Variants in NT5E observed in about 807,000 individuals in gnomAD.
NT5E encodes the protein 5'-nucleotidase.
NT5E carries 53 observed loss-of-function variants against 55.1 expected under a neutral mutation model. The observed-to-expected ratio is 0.96, with a 90% confidence interval of 0.77 to 1.21. The LOEUF (loss-of-function observed/expected upper bound fraction) is 1.21. Among genes scored for constraint, NT5E ranks in the 50% most tolerant of loss-of-function variants. The pLI is 0.00. For missense variants in NT5E, 683 were observed against 724.3 expected (o/e 0.94, Z 0.65); for synonymous variants, 270 against 278.4 (o/e 0.97, Z 0.30).
intron 8 of NT5E, among the ~76,000 whole-genome samples, chr6:85,493,288 A>C (rs1769824639): frequency 6.6e-6 from 1 of 152,168 alleles, no homozygotes; most frequent in Non-Finnish European, 1.5e-5. Context: ...AAACCACTGA[A>C]GAGAGAAGGG....
intron 1 of NT5E, among the ~76,000 whole-genome samples, chr6:85,464,080 T>TC (rs1459037094): frequency 2.0e-5 from 3 of 149,484 alleles, no homozygotes; most frequent in African/African-American, 7.4e-5. Context: ...TTTTTTTTTT[T>TC]TTTTTTTTTT....
intron 4 of NT5E, among the ~76,000 whole-genome samples, chr6:85,485,761 G>A (rs1769641243): frequency 6.6e-6 from 1 of 152,170 alleles, no homozygotes; most frequent in African/African-American, 2.4e-5. Flanking sequence ...GTTCTAATTG[G>A]GCAGAGCGGG....
rs767510564 is a variant in NT5E at position 85,450,109 on chromosome 6, C to T, written c.-31C>T. On this transcript the variant is annotated 5_prime_UTR_variant, in exon 1 of 9. Coordinates refer to ENST00000257770, the MANE Select transcript of NT5E (RefSeq NM_002526.4). The surrounding 1 kb of genome is among the most constrained non-coding windows in gnomAD (Gnocchi z 4.0). The stretch of plus-strand genomic sequence containing the variant: ...CTCGCCGGCACTCGCCCGGCTCGCC[C>T]GCTTTCGCACCCAGTTCACGCGCCA... The T allele has an allele frequency of 1.0e-5, 16 of 1,530,318 alleles. No homozygotes were observed. The highest frequency in any genetic ancestry group is 2.7e-5 in the African/African-American group (2 of 72,766). The allele number at this position is 1,530,318 out of a possible 1,614,324, so 94.8% of individuals were successfully genotyped here.
intron 2 of NT5E, among the ~76,000 whole-genome samples, chr6:85,467,603 T>G (rs146890976): frequency 2.0e-5 from 3 of 152,310 alleles, no homozygotes; most frequent in Non-Finnish European, 4.4e-5. Context: ...AATGAGAGCC[T>G]CAAAACTCAC....
At chr6:85,490,083 T>A (rs1562145931) in intron 6 of NT5E, among the ~76,000 whole-genome samples, 1 of 152,208 alleles carries the variant, frequency 6.6e-6, no homozygotes, top group Non-Finnish European at 1.5e-5. Context: ...GACACTCTTG[T>A]AGCCCTCCCT....
intron 3 of NT5E, among the ~76,000 whole-genome samples, chr6:85,480,433 G>A (rs1391804958): frequency 6.6e-6 from 1 of 152,210 alleles, no homozygotes; most frequent in Admixed American, 6.5e-5. Flanking sequence ...TTGGTACAGA[G>A]ATGACTGAAG....
chr6:85,484,841 T>C (rs1256762681), intron 3 of NT5E, among the ~76,000 whole-genome samples: 1 of 152,148 alleles, frequency 6.6e-6, no homozygotes, highest in Non-Finnish European at 1.5e-5. Flanking sequence ...TTAAAATGGA[T>C]TTCGCCCACC....
Position 85,485,466 on chromosome 6 carries a change from T to C in NT5E, c.949+34T>C, listed in dbSNP as rs1177863778. 2.5e-6 allele frequency: 4 copies of C among 1,599,372 alleles called. No individual in the cohort carries two copies. In the South Asian group the frequency reaches 3.3e-5, roughly 13 times the overall value. ...AGTTCAGGGGAATGTTCCACCAATC[T>C]AAAATTTAGATGGCTGGATATTTTG... On this transcript the variant is annotated intron_variant, in intron 4 of 8. Coordinates refer to ENST00000257770, the MANE Select transcript of NT5E (RefSeq NM_002526.4).
chr6:85,478,132 T>C (rs1769473435), intron 3 of NT5E, among the ~76,000 whole-genome samples: 1 of 152,160 alleles, frequency 6.6e-6, no homozygotes, highest in South Asian at 2.1e-4. Context: ...TTCAGTAAAC[T>C]TCTGGCCATG....
chr6:85,450,365 C>A lies in NT5E; in HGVS notation c.226C>A (p.Pro76Thr), dbSNP rs776259916. The A allele has an allele frequency of 6.3e-7, 1 of 1,596,802 alleles. No individual in the cohort carries two copies. The highest frequency in any genetic ancestry group is 2.3e-5 in the East Asian group (1 of 44,214). The stretch of plus-strand genomic sequence containing the variant: ...GGTTCAGCAGATCCGCCGCGCCGAA[C>A]CCAACGTGCTGCTGCTGGACGCCGG... The part of the protein sequence containing the change: ...TKVQQIRRAE[P>T]NVLLLDAGDQ... The change falls in exon 1 of 9, where the codon CCC becomes ACC. Residue 76 changes from proline (P) to threonine (T), a missense_variant. Physicochemically the swap from Pro to Thr is conservative, Grantham distance 38. Coordinates refer to ENST00000257770, the MANE Select transcript of NT5E (RefSeq NM_002526.4). The surrounding 1 kb of genome is among the most constrained non-coding windows in gnomAD (Gnocchi z 4.0).
Position 85,455,056 on chromosome 6 carries a change from C to T in NT5E, c.339+4578C>T, listed in dbSNP as rs112070901. ...CATGGCAGAAGAGGTTGTGTAAACT[C>T]TAAAGGCCACCTGAGAAGTTTGAGT... On this transcript the variant is annotated intron_variant, in intron 1 of 8. Coordinates refer to ENST00000257770, the MANE Select transcript of NT5E (RefSeq NM_002526.4). 2.4e-4 allele frequency among the ~76,000 whole-genome samples: 36 copies of T among 152,266 alleles called. 3 individuals carry two copies. The highest frequency in any genetic ancestry group is 7.7e-4 in the African/African-American group (32 of 41,546).
Position 85,450,170 on chromosome 6 carries a change from A to T in NT5E, c.31A>T (p.Thr11Ser). Residue 11 changes from threonine to serine, a missense_variant, in exon 1 of 9, where the codon ACG becomes TCG. Transcript: ENST00000257770. The surrounding 1 kb of genome is among the most constrained non-coding windows in gnomAD (Gnocchi z 4.0). ...TCCCCGAGCCGCGCGGGCGCCCGCG[A>T]CGCTACTCCTCGCCCTGGGCGCGGT... MCPRAARAPA[T>S]LLLALGAVLW... 1.3e-6 allele frequency: 2 copies of T among 1,573,408 alleles called. No individual in the cohort carries two copies. Among genetic ancestry groups the T allele is most frequent in the Non-Finnish European group, 1.7e-6 (2 of 1,159,938 alleles).
chr6:85,492,162 T>C lies in NT5E; in HGVS notation c.1546T>C (p.Leu516=), dbSNP rs1582389598. The C allele has an allele frequency of 1.9e-6, 3 of 1,614,020 alleles. No individual in the cohort carries two copies. Among genetic ancestry groups the C allele is most frequent in the East Asian group, 2.2e-5 (1 of 44,886 alleles). The change falls in exon 8 of 9, where the codon TTA becomes CTA. Residue 516 remains leucine (L), a synonymous_variant. Transcript: ENST00000257770. ...DGFQMIKDEL[L]RHDSGDQDIN... ...GTTCCAGATGATAAAAGATGAATTA[T>C]TAAGACATGACTCTGGTAAGCATGA...
In NT5E at chr6:85,493,906, G is replaced by C; in HGVS notation, c.1627G>C (p.Glu543Gln). The change falls in exon 9 of 9, where the codon GAA becomes CAA. Residue 543 changes from glutamate to glutamine, a missense_variant. Physicochemically the swap from Glu to Gln is conservative, Grantham distance 29. Coordinates refer to ENST00000257770, the MANE Select transcript of NT5E (RefSeq NM_002526.4). ...AATGAAAGTAATTTATCCAGCAGTT[G>C]AAGGTCGGATCAAGTTTTCCACAGG... The part of the protein sequence containing the change: ...SKMKVIYPAV[E>Q]GRIKFSTGSH... The C allele has an allele frequency of 6.2e-7, 1 of 1,614,076 alleles. No individual in the cohort carries two copies. The highest frequency in any genetic ancestry group is 8.5e-7 in the Non-Finnish European group (1 of 1,179,952).
Position 85,450,245 on chromosome 6 carries a change from G to T in NT5E, c.106G>T (p.Asp36Tyr). The part of the protein sequence containing the change: ...AWELTILHTN[D>Y]VHSRLEQTSE... ...GGAGCTTACGATTTTGCACACCAAC[G>T]ACGTGCACAGCCGGCTGGAGCAGAC... Residue 36 changes from aspartate to tyrosine, a missense_variant, in exon 1 of 9, where the codon GAC becomes TAC. By Grantham distance (160) the Asp-to-Tyr change is radical (BLOSUM62 -3). Coordinates refer to ENST00000257770, the MANE Select transcript of NT5E (RefSeq NM_002526.4). This position sits in a 1 kb window ranked among gnomAD's most constrained non-coding sequence, Gnocchi z 4.0. 2 of 1,609,820 alleles carry T rather than the reference G, an allele frequency of 1.2e-6. No individual in the cohort carries two copies. Among genetic ancestry groups the T allele is most frequent in the Non-Finnish European group, 1.7e-6 (2 of 1,179,054 alleles).
At chr6:85,487,724 C>G (rs1383929239) in intron 5 of NT5E, among the ~76,000 whole-genome samples, 24 of 152,100 alleles carry the variant, frequency 1.6e-4, no homozygotes, top group Admixed American at 1.6e-3. Flanking sequence ...GCACTCCAGC[C>G]TGGGCAAAAG....
At position 85,489,639 on chromosome 6, in the gene NT5E, C is replaced by G. The variant is rs1486155349; in HGVS notation, c.1210+40C>G. 8 of 1,388,922 alleles carry G rather than the reference C, an allele frequency of 5.8e-6. No homozygotes were observed. In the East Asian group the frequency reaches 6.9e-5, roughly 12 times the overall value. The allele number at this position is 1,388,922 out of a possible 1,614,324, so 86.0% of individuals were successfully genotyped here. A position where few individuals can be genotyped will look rare whatever the true frequency, so the allele number is the denominator to read the frequency against. ...CCAGCTCCTCAGTGTGTCATGTTCT[C>G]TCTCTGATCTCCTTTTCTGTTATGG... On this transcript the variant is annotated intron_variant, in intron 6 of 8. Coordinates refer to ENST00000257770, the MANE Select transcript of NT5E (RefSeq NM_002526.4).
intron 2 of NT5E, 24 bp downstream of exon 2, chr6:85,467,306 C>A: frequency 1.3e-6 from 2 of 1,581,854 alleles, no homozygotes; most frequent in South Asian, 2.2e-5. Flanking sequence ...TTATAGCACT[C>A]AATGCTTGAA....
intron 5 of NT5E, among the ~76,000 whole-genome samples, chr6:85,488,697 C>T (rs1303594286): frequency 6.6e-6 from 1 of 152,092 alleles, no homozygotes; most frequent in Non-Finnish European, 1.5e-5. Flanking sequence ...TCTCCTGCTT[C>T]AGCCTCCCAA....
Sources: gnomAD v4.1 joint callset for allele counts (sites outside exome capture counted in the v4.1 genomes callset) on GRCh38, gnomAD v4.1.1 for gene constraint, Gnocchi (gnomAD v3.1) non-coding constraint, MANE v1.5 for transcripts, NCBI Gene and HGNC (gene_info 2026-07-23, HGNC 2026-07-21) for gene names.